C8orf34: variants seen among roughly 807,000 people sequenced by gnomAD.
The protein encoded by C8orf34 is uncharacterized protein C8orf34.
In C8orf34, 65 loss-of-function variants were observed where a neutral mutation model predicts 68.3. The ratio of observed to expected loss-of-function variants is 0.95; its 90% confidence interval spans 0.78 to 1.17. The LOEUF is 1.17. Among genes scored for constraint, C8orf34 ranks in the 50% most tolerant of loss-of-function variants. The pLI, the probability that C8orf34 is intolerant of heterozygous loss-of-function variation, is 0.00. For synonymous variants in C8orf34, 244 were observed against 241.2 expected, an observed-to-expected ratio of 1.01 and a Z score of -0.11; for missense variants, 664 against 655.4, an observed-to-expected ratio of 1.01 and a Z score of -0.14.
At chr8:68,351,959 A>G (rs117876761) in intron 1 of C8orf34, among the ~76,000 whole-genome samples, 3,433 of 152,164 alleles carry the variant, frequency 0.023, 49 homozygotes, top group Non-Finnish European at 0.035. Flanking sequence ...GATGTTGAAC[A>G]TCTTTTCATC....
At chr8:68,816,027 A>T (rs1824802463) in intron 13 of C8orf34, 82 bp downstream of exon 13, 1 of 1,609,014 alleles carries the variant, frequency 6.2e-7, no homozygotes, top group South Asian at 1.1e-5. Flanking sequence ...GTATTAAAAA[A>T]GTACGTAGTC....
At position 68,468,569 on chromosome 8, in the gene C8orf34, C is replaced by G. The variant is rs552930031; in HGVS notation, c.608-123C>G. ...CTCTTTTTTCTCACAAGCAAACCAT[C>G]TTCAAGATAAACACTTTTTATTCTA... On this transcript the variant is annotated intron_variant, in intron 3 of 13. Transcript: ENST00000518698. 266 of 921,206 alleles carry G rather than the reference C, an allele frequency of 2.9e-4. 1 individual carries two copies. Among genetic ancestry groups the G allele is most frequent in the East Asian group, 9.5e-4 (31 of 32,492 alleles). 57.1% of individuals were successfully genotyped at this position (921,206 alleles called of 1,614,324 possible).
chr8:68,418,831 C>T (rs2129623209), intron 1 of C8orf34, among the ~76,000 whole-genome samples: 1 of 152,042 alleles, frequency 6.6e-6, no homozygotes, highest in South Asian at 2.1e-4. Context: ...AAAATCAGTT[C>T]AAGATGGATT....
chr8:68,450,325 A>T (rs1811290757), intron 3 of C8orf34, among the ~76,000 whole-genome samples: 2 of 152,096 alleles, frequency 1.3e-5, no homozygotes, highest in Non-Finnish European at 2.9e-5. Context: ...GGTTGACATT[A>T]ACTTCTTCCA....
intron 10 of C8orf34, among the ~76,000 whole-genome samples, chr8:68,749,679 A>G (rs1017375332): frequency 1.3e-5 from 2 of 152,182 alleles, no homozygotes; most frequent in Non-Finnish European, 2.9e-5. Flanking sequence ...GAAATTTCAT[A>G]TAAATGGAAT....
intron 5 of C8orf34, among the ~76,000 whole-genome samples, chr8:68,514,510 T>C (rs1177586703): frequency 2.6e-5 from 4 of 152,238 alleles, no homozygotes; most frequent in African/African-American, 4.8e-5. Context: ...ATTTCCCTTC[T>C]GATGGTTTCT....
chr8:68,755,799 C>A (rs1049987183), intron 10 of C8orf34, among the ~76,000 whole-genome samples: 2 of 152,026 alleles, frequency 1.3e-5, no homozygotes, highest in Non-Finnish European at 2.9e-5. Flanking sequence ...CGGTGGCTCA[C>A]GCCTGTAATC....
At chr8:68,642,418 A>T (rs1300635607) in intron 8 of C8orf34, among the ~76,000 whole-genome samples, 1 of 152,210 alleles carries the variant, frequency 6.6e-6, no homozygotes, top group Non-Finnish European at 1.5e-5. Context: ...AAAAACAAGT[A>T]TCAGTTGTCG....
chr8:68,551,868 GCC>G (rs1416289164), intron 7 of C8orf34, among the ~76,000 whole-genome samples: 1 of 152,044 alleles, frequency 6.6e-6, no homozygotes, highest in African/African-American at 2.4e-5. Context: ...TTACATTTAT[GCC>G]CATGATTTCT....
chr8:68,581,748 G>A (rs1285923189), intron 7 of C8orf34, among the ~76,000 whole-genome samples: 3 of 152,260 alleles, frequency 2.0e-5, no homozygotes, highest in African/African-American at 7.2e-5. Flanking sequence ...CACTGCCACA[G>A]TTCACATTCC....
At chr8:68,723,962 G>C (rs1821755176) in intron 10 of C8orf34, among the ~76,000 whole-genome samples, 1 of 151,926 alleles carries the variant, frequency 6.6e-6, no homozygotes, top group Non-Finnish European at 1.5e-5. Context: ...ACATTCATTA[G>C]ATTTTGCATT....
intron 5 of C8orf34, among the ~76,000 whole-genome samples, chr8:68,513,420 G>A (rs1023856902): frequency 3.3e-5 from 5 of 152,134 alleles, no homozygotes; most frequent in African/African-American, 1.2e-4. Context: ...TCTAAGGTAG[G>A]GTTGCTAAAC....
intron 4 of C8orf34, among the ~76,000 whole-genome samples, chr8:68,478,378 A>C (rs2129630864): frequency 6.6e-6 from 1 of 152,236 alleles, no homozygotes; most frequent in South Asian, 2.1e-4. Context: ...TATCACTATC[A>C]TCATTTTAGT....
intron 7 of C8orf34, among the ~76,000 whole-genome samples, chr8:68,597,090 C>T (rs4577942): frequency 0.58 from 88,010 of 151,776 alleles, 25,682 homozygotes; most frequent in African/African-American, 0.6. Flanking sequence ...GTCACATTGC[C>T]CCTGGGAAAC....
At chr8:68,463,185 A>G (rs531501794) in intron 3 of C8orf34, among the ~76,000 whole-genome samples, 122 of 147,926 alleles carry the variant, frequency 8.2e-4, no homozygotes, top group Non-Finnish European at 1.5e-3. Flanking sequence ...AAACTAGAAA[A>G]TCTAGAAGAA....
chr8:68,817,574 T>G (rs1025219950), intron 13 of C8orf34, among the ~76,000 whole-genome samples: 1 of 152,132 alleles, frequency 6.6e-6, no homozygotes, highest in African/African-American at 2.4e-5. Context: ...ATGGTCTAAT[T>G]GGCGAATCAA....
chr8:68,818,448 G>A lies in C8orf34; in HGVS notation c.*202G>A, dbSNP rs1179427544. On this transcript the variant is annotated 3_prime_UTR_variant, in exon 14 of 14. Transcript: ENST00000518698. ...ACTAATCCTGGCAAAGGATTGTGGG[G>A]TGGTCAGGAGGCCGGCTGCCTTTTG... is the stretch of plus-strand genomic sequence containing the variant. The A allele has an allele frequency of 1.8e-6, 1 of 547,586 alleles. No individual in the cohort carries two copies. The allele number at this position is 547,586 out of a possible 1,614,324, so 33.9% of individuals were successfully genotyped here. A position where few individuals can be genotyped will look rare whatever the true frequency, so the allele number is the denominator to read the frequency against.
At chr8:68,521,748 T>A in intron 5 of C8orf34, 51 bp from the exon 6 acceptor site, 1 of 1,504,980 alleles carries the variant, frequency 6.6e-7, no homozygotes, top group Non-Finnish European at 9.0e-7. Flanking sequence ...CCTGTTGTCC[T>A]GTTAATAAGA....
At chr8:68,655,717 A>G (rs1186257236) in intron 8 of C8orf34, among the ~76,000 whole-genome samples, 1 of 152,130 alleles carries the variant, frequency 6.6e-6, no homozygotes, top group Non-Finnish European at 1.5e-5. Context: ...TCCATTTACG[A>G]TGGGTTAATA....
Sources: allele counts gnomAD v4.1 joint callset (sites outside exome capture counted in the v4.1 genomes callset), GRCh38; gene constraint gnomAD v4.1.1; transcripts MANE v1.5; gene names NCBI Gene and HGNC (gene_info 2026-07-23, HGNC 2026-07-21).